ADAMTS15: variants seen among roughly 807,000 people sequenced by gnomAD.
ADAMTS15 encodes the protein ADAM metallopeptidase with thrombospondin type 1 motif 15.
A neutral mutation model predicts 79.1 loss-of-function variants in ADAMTS15; 35 were observed. That is an observed-to-expected ratio of 0.44 (90% CI 0.34 to 0.59). ADAMTS15 has a LOEUF of 0.59. Ranked by LOEUF, ADAMTS15 falls within the 20% of genes least tolerant of loss-of-function variation. The pLI is 0.02. For missense variants in ADAMTS15, 1,324 were observed against 1,318.7 expected (o/e 1.00, Z -0.06); for synonymous variants, 616 against 567.3 (o/e 1.09, Z -1.22).
intron 1 of ADAMTS15, among the ~76,000 whole-genome samples, chr11:130,460,064 T>C (rs1938168033): frequency 6.6e-6 from 1 of 152,218 alleles, no homozygotes; most frequent in African/African-American, 2.4e-5. Flanking sequence ...AGTGTCAGCA[T>C]TTAATACATC....
chr11:130,473,400 A>AT lies in ADAMTS15; in HGVS notation c.2433dup (p.Pro812SerfsTer68). The stretch of plus-strand genomic sequence containing the variant: ...GAGCCTCGGGAGGACAAGTCCTCTC[A>AT]TCCCAAGGACCCCCGGGGACCCTCT... On this transcript the variant is annotated frameshift_variant, in exon 8 of 8. Transcript: ENST00000299164. LOFTEE classifies it high-confidence loss of function. The AT allele has an allele frequency of 6.2e-7, 1 of 1,612,814 alleles. No homozygotes were observed. Among genetic ancestry groups the AT allele is most frequent in the Non-Finnish European group, 8.5e-7 (1 of 1,180,002 alleles).
chr11:130,449,982 C>A lies in ADAMTS15; in HGVS notation c.957+52C>A, dbSNP rs1350676871. 6.4e-7 allele frequency: 1 copy of A among 1,572,920 alleles called. No homozygotes were observed. The highest frequency in any genetic ancestry group is 2.2e-5 in the East Asian group (1 of 44,512). The stretch of plus-strand genomic sequence containing the variant: ...CCCAGATAGTCCCGTTCTTTAGGGT[C>A]ACCTCCCCTAGCGCTCCAAATCCCC... On this transcript the variant is annotated intron_variant, in intron 1 of 7. Transcript: ENST00000299164. The surrounding 1 kb of genome is among the most constrained non-coding windows in gnomAD (Gnocchi z 7.8).
At position 130,448,700 on chromosome 11, in the gene ADAMTS15, G is replaced by C. The variant is rs1294190363; in HGVS notation, c.-274G>C. Among the ~76,000 whole-genome samples the C allele has an allele frequency of 6.6e-6, 1 of 152,254 alleles. No homozygotes were observed. On this transcript the variant is annotated 5_prime_UTR_variant, in exon 1 of 8. Transcript: ENST00000299164. ...CGCCCGGCACCTTCCGCTAGTTCTC[G>C]GCTGCAAATCTTCGTCCTTGCACTT...
chr11:130,472,407 C>T lies in ADAMTS15; in HGVS notation c.2079-640C>T, dbSNP rs1938477425. 6.6e-6 allele frequency among the ~76,000 whole-genome samples: 1 copy of T among 152,206 alleles called. No individual in the cohort carries two copies. Among genetic ancestry groups the T allele is most frequent in the Non-Finnish European group, 1.5e-5 (1 of 68,036 alleles). The stretch of plus-strand genomic sequence containing the variant: ...AAGGCCACGTGGGGAGTGGGAGGTA[C>T]ATACCCCAGGCTTGCCTCACTGGTT... On this transcript the variant is annotated intron_variant, in intron 7 of 7. Coordinates refer to ENST00000299164, the MANE Select transcript of ADAMTS15 (RefSeq NM_139055.4). The surrounding 1 kb of genome is among the most constrained non-coding windows in gnomAD (Gnocchi z 4.7).
rs184041499 is a variant in ADAMTS15, at chr11:130,461,489, G to T, written c.958G>T (p.Asp320Tyr). The change falls in exon 2 of 8, where the codon GAC becomes TAC. Residue 320 changes from aspartate to tyrosine, a missense_variant and splice_region_variant. Asp to Tyr is a radical substitution (Grantham distance 160). Transcript: ENST00000299164. Reference sequence around the variant, plus strand: ...CTTCTGCTTCTCCCCCACCCGGCAGGACCTGTGTGGAGCCACCACCTGTGA... The same window carrying T: ...CTTCTGCTTCTCCCCCACCCGGCAGTACCTGTGTGGAGCCACCACCTGTGA... ...WDTAILFTRQDLCGATTCDTL... is the reference protein window; with the variant it reads ...WDTAILFTRQYLCGATTCDTL... 6.2e-7 allele frequency: 1 copy of T among 1,614,060 alleles called. No homozygotes were observed. The highest frequency in any genetic ancestry group is 8.5e-7 in the Non-Finnish European group (1 of 1,180,014).
rs779335515 is a variant in ADAMTS15, at chr11:130,469,399, G to A, written c.1680G>A (p.Val560=). 7 of 1,349,586 alleles carry A rather than the reference G, an allele frequency of 5.2e-6. No homozygotes were observed. In the South Asian group the frequency reaches 1.6e-4, roughly 32 times the overall value. The allele number at this position is 1,349,586 out of a possible 1,614,324, so 83.6% of individuals were successfully genotyped here. A position where few individuals can be genotyped will look rare whatever the true frequency, so the allele number is the denominator to read the frequency against. Residue 560 remains valine, a synonymous_variant, in exon 5 of 8, where the codon GTG becomes GTA. Transcript: ENST00000299164. ...NGGKYCEGVR[V]KYRSCNLEPC... ...GCAAGTACTGCGAGGGAGTGAGGGTGAAATACCGATCCTGCAATCTGGAGC... is the reference window on the plus strand; with the variant it reads ...GCAAGTACTGCGAGGGAGTGAGGGTAAAATACCGATCCTGCAATCTGGAGC...
rs1486941926 is a variant in ADAMTS15, at chr11:130,474,164, G to C, written c.*343G>C. On this transcript the variant is annotated 3_prime_UTR_variant, in exon 8 of 8. Coordinates refer to ENST00000299164, the MANE Select transcript of ADAMTS15 (RefSeq NM_139055.4). Reference sequence around the variant, plus strand: ...AGAACTTCAGGGACCCCGGCCCCCAGAACGGAGGCCACAGGCTGCTGGAAG... The same window carrying C: ...AGAACTTCAGGGACCCCGGCCCCCACAACGGAGGCCACAGGCTGCTGGAAG... The C allele has an allele frequency of 3.9e-6, 1 of 256,660 alleles. No individual in the cohort carries two copies. Among genetic ancestry groups the C allele is most frequent in the East Asian group, 7.3e-5 (1 of 13,758 alleles). The allele number at this position is 256,660 out of a possible 1,614,324, so 15.9% of individuals were successfully genotyped here. A position where few individuals can be genotyped will look rare whatever the true frequency, so the allele number is the denominator to read the frequency against.
Position 130,449,339 on chromosome 11 carries a change from G to C in ADAMTS15, c.366G>C (p.Gly122=). ...TCGCTGCTGTGAGCCTGTGCGGGGG[G>C]CTCCGCGGAGCCTTTGGCTACCGAG... ...DSFAAVSLCG[G]LRGAFGYRGA... is the part of the protein sequence containing the mutation. Residue 122 remains glycine (G), a synonymous_variant, in exon 1 of 8, where the codon GGG becomes GGC. Transcript: ENST00000299164. This position sits in a 1 kb window ranked among gnomAD's most constrained non-coding sequence, Gnocchi z 7.8. 1 of 1,608,268 alleles carries C rather than the reference G, an allele frequency of 6.2e-7. No homozygotes were observed. The highest frequency in any genetic ancestry group is 1.1e-5 in the South Asian group (1 of 91,082).
Position 130,473,556 on chromosome 11 carries a change from C to T in ADAMTS15, c.2588C>T (p.Ala863Val), listed in dbSNP as rs199748492. 2,615 of 1,602,718 alleles carry T rather than the reference C, an allele frequency of 1.6e-3. 8 individuals are homozygous for T. Among genetic ancestry groups the T allele is most frequent in the Non-Finnish European group, 2.1e-3 (2,464 of 1,173,744 alleles). Residue 863 changes from alanine (A) to valine (V), a missense_variant, in exon 8 of 8, where the codon GCG becomes GTG. Ala to Val is a moderately conservative substitution (Grantham distance 64). Coordinates refer to ENST00000299164, the MANE Select transcript of ADAMTS15 (RefSeq NM_139055.4). Reference protein sequence around the residue: ...ASCGSGLQKRAVDCRGSAGQR... With the variant: ...ASCGSGLQKRVVDCRGSAGQR... ...TGCGGCAGTGGCCTGCAGAAGCGGG[C>T]GGTGGACTGCCGGGGCTCCGCCGGG... is the stretch of plus-strand genomic sequence containing the variant.
chr11:130,459,094 C>T (rs1267006063), intron 1 of ADAMTS15, among the ~76,000 whole-genome samples: 7 of 125,914 alleles, frequency 5.6e-5, no homozygotes, highest in Admixed American at 2.0e-4. Flanking sequence ...AATGCAGTGG[C>T]GTGATCACGG....
intron 1 of ADAMTS15, among the ~76,000 whole-genome samples, chr11:130,457,340 G>A (rs919391253): frequency 7.2e-5 from 11 of 152,164 alleles, no homozygotes; most frequent in South Asian, 2.1e-4. Flanking sequence ...AGAAGAGGTA[G>A]GAAGGTGGTT....
chr11:130,465,713 C>A (rs574253428), intron 4 of ADAMTS15, among the ~76,000 whole-genome samples: 3 of 152,032 alleles, frequency 2.0e-5, no homozygotes, highest in African/African-American at 7.3e-5. Flanking sequence ...ATCGTCCAGC[C>A]GGCTAGCAGC....
intron 1 of ADAMTS15, among the ~76,000 whole-genome samples, chr11:130,451,788 C>T (rs1391693667): frequency 1.3e-5 from 2 of 152,246 alleles, no homozygotes; most frequent in East Asian, 3.9e-4. Flanking sequence ...CAGAAGGAGG[C>T]CGCCTTTTGA....
chr11:130,470,209 T>TATATATATATATAC (rs1491377478), intron 5 of ADAMTS15, among the ~76,000 whole-genome samples: 4 of 60,106 alleles, frequency 6.7e-5, no homozygotes, highest in African/African-American at 3.8e-4. Flanking sequence ...TATATATATA[T>TATATATATATATAC]GTATATATAT....
intron 5 of ADAMTS15, among the ~76,000 whole-genome samples, chr11:130,470,363 C>T (rs929428649): frequency 1.3e-5 from 2 of 151,094 alleles, no homozygotes; most frequent in Non-Finnish European, 1.5e-5. Context: ...ATTATAGGTG[C>T]CTGCCACCAT....
intron 5 of ADAMTS15, 91 bp downstream of exon 5, chr11:130,469,530 C>T: frequency 9.8e-7 from 1 of 1,025,070 alleles, no homozygotes; most frequent in Non-Finnish European, 1.3e-6. Flanking sequence ...AATGCATGGC[C>T]TCCAGGTAAT....
At chr11:130,451,729 G>C (rs558633310) in intron 1 of ADAMTS15, among the ~76,000 whole-genome samples, 2 of 152,194 alleles carry the variant, frequency 1.3e-5, no homozygotes, top group South Asian at 2.1e-4. Flanking sequence ...CTGGCTTCTG[G>C]AGTCAGCCCT....
rs753349042 is a variant in ADAMTS15 at position 130,449,248 on chromosome 11, C to T, written c.275C>T (p.Thr92Ile). The change falls in exon 1 of 8, where the codon ACC (threonine) becomes ATC (isoleucine). Residue 92 changes from threonine to isoleucine, a missense_variant. Coordinates refer to ENST00000299164, the MANE Select transcript of ADAMTS15 (RefSeq NM_139055.4). The surrounding 1 kb of genome is among the most constrained non-coding windows in gnomAD (Gnocchi z 7.8). ...CTGGGCGTCCCCCTCCAGGGGCTCA[C>T]CGGGGGCTCTTCAGACCTGCGACGC... The part of the protein sequence containing the change: ...EHLGVPLQGL[T>I]GGSSDLRRCF... The T allele has an allele frequency of 1.2e-6, 2 of 1,613,616 alleles. No individual in the cohort carries two copies. The highest frequency in any genetic ancestry group is 1.7e-6 in the Non-Finnish European group (2 of 1,180,034).
Position 130,449,711 on chromosome 11 carries a change from G to C in ADAMTS15, c.738G>C (p.Leu246=). 1 of 1,611,382 alleles carries C rather than the reference G, an allele frequency of 6.2e-7. No homozygotes were observed. The highest frequency in any genetic ancestry group is 2.2e-5 in the East Asian group (1 of 44,836). Residue 246 remains leucine (L), a synonymous_variant, in exon 1 of 8, where the codon CTG becomes CTC. Transcript: ENST00000299164. The surrounding 1 kb of genome is among the most constrained non-coding windows in gnomAD (Gnocchi z 7.8). ...ADLEHYLLTL[L]ATAARLYRHP... is the part of the protein sequence containing the mutation. ...TGGAACATTATCTGCTGACGCTGCT[G>C]GCAACGGCGGCGCGACTCTACCGCC...
Sources: gnomAD v4.1 joint callset for allele counts (sites outside exome capture counted in the v4.1 genomes callset) on GRCh38, gnomAD v4.1.1 for gene constraint, Gnocchi (gnomAD v3.1) non-coding constraint, MANE v1.5 for transcripts, NCBI Gene and HGNC (gene_info 2026-07-23, HGNC 2026-07-21) for gene names.